ETS1: variants seen among roughly 807,000 people sequenced by gnomAD.
ETS1 encodes ETS proto-oncogene 1, transcription factor, also known as protein C-ets-1.
ETS1 carries 15 observed loss-of-function variants against 58.6 expected under a neutral mutation model. The ratio of observed to expected loss-of-function variants is 0.26; its 90% confidence interval spans 0.17 to 0.39. The LOEUF is 0.39. Among genes scored for constraint, ETS1 ranks in the 10% least tolerant of loss-of-function variants. The probability of loss-of-function intolerance (pLI) is 1.00; values close to 1 mark genes in which losing one functional copy is unlikely to be tolerated. For synonymous variants in ETS1, 214 were observed against 218.2 expected (o/e 0.98, Z 0.17); for missense variants, 417 against 610.5 (o/e 0.68, Z 3.34).
intron 8 of ETS1, among the ~76,000 whole-genome samples, chr11:128,471,864 C>T (rs1203459292): frequency 6.6e-6 from 1 of 152,188 alleles, no homozygotes; most frequent in Admixed American, 6.5e-5. Flanking sequence ...TCTCAACTTG[C>T]TCTCTGGAAT....
In ETS1 at chr11:128,463,488, C is replaced by T. The variant is rs201641356; in HGVS notation, c.1242+21G>A. 13 of 1,341,264 alleles carry T rather than the reference C, an allele frequency of 9.7e-6. No individual in the cohort carries two copies. Among genetic ancestry groups the T allele is most frequent in the African/African-American group, 8.6e-5 (6 of 69,616 alleles). 83.1% of individuals were successfully genotyped at this position (1,341,264 alleles called of 1,614,324 possible). ...TCTCATCCTTCCTCAACACAGTACT[C>T]GCAAGCCCCTCCTTCCTTACCTCAT... On this transcript the variant is annotated intron_variant, in intron 9 of 9. Coordinates refer to ENST00000392668, the MANE Select transcript of ETS1 (RefSeq NM_001143820.2). The surrounding 1 kb of genome is among the most constrained non-coding windows in gnomAD (Gnocchi z 4.1).
intron 3 of ETS1, among the ~76,000 whole-genome samples, chr11:128,531,388 T>C (rs1393388199): frequency 6.6e-6 from 1 of 152,242 alleles, no homozygotes; most frequent in Non-Finnish European, 1.5e-5. Flanking sequence ...ACTGCTATTA[T>C]TGATTTTAAA....
chr11:128,466,314 G>C (rs76634238), intron 8 of ETS1, among the ~76,000 whole-genome samples: 1 of 152,146 alleles, frequency 6.6e-6, no homozygotes, highest in Admixed American at 6.5e-5. Context: ...ACACCAAGCC[G>C]AGGAAAGGGA....
chr11:128,517,544 C>T (rs1863558564), intron 3 of ETS1, among the ~76,000 whole-genome samples: 1 of 152,198 alleles, frequency 6.6e-6, no homozygotes, highest in Non-Finnish European at 1.5e-5. Context: ...CAGAAATATC[C>T]CAACAACTTT....
intron 1 of ETS1, among the ~76,000 whole-genome samples, chr11:128,576,809 T>C (rs1031225254): frequency 3.9e-5 from 6 of 152,046 alleles, no homozygotes; most frequent in African/African-American, 7.2e-5. Context: ...CTTCTCATGT[T>C]ACCCCCTCTG....
rs1048903089 is a variant in ETS1, at chr11:128,521,764, C to T, written c.215-31188G>A. 6.9e-6 allele frequency: 4 copies of T among 582,924 alleles called. No individual in the cohort carries two copies. In the African/African-American group the frequency reaches 7.7e-5, roughly 11 times the overall value. The allele number at this position is 582,924 out of a possible 1,614,324, so 36.1% of individuals were successfully genotyped here. On this transcript the variant is annotated intron_variant, in intron 3 of 9. Coordinates refer to ENST00000392668, the MANE Select transcript of ETS1 (RefSeq NM_001143820.2). The stretch of plus-strand genomic sequence containing the variant: ...CCTCCTCCTCCTCCTCCTTCTCCTC[C>T]TCGTCCTCCAGATCCAGCTGCCAAC...
intron 2 of ETS1, among the ~76,000 whole-genome samples, chr11:128,567,107 G>A (rs76396114): frequency 0.014 from 2,093 of 152,334 alleles, 36 homozygotes; most frequent in African/African-American, 0.048. Flanking sequence ...TGCTCTGAGG[G>A]CCGTGGTTAA....
chr11:128,553,016 A>G (rs1191585366), intron 3 of ETS1, among the ~76,000 whole-genome samples: 4 of 152,246 alleles, frequency 2.6e-5, no homozygotes, highest in Admixed American at 2.0e-4. Flanking sequence ...GAGAGGAGGC[A>G]GGGTCAGTGG....
At chr11:128,566,674 T>G (rs1423335821) in intron 2 of ETS1, among the ~76,000 whole-genome samples, 3 of 151,658 alleles carry the variant, frequency 2.0e-5, no homozygotes, top group Non-Finnish European at 4.4e-5. Context: ...TCCCAGCTAC[T>G]CAGGAGGCTG....
chr11:128,514,352 C>T (rs1308127012), intron 3 of ETS1, among the ~76,000 whole-genome samples: 1 of 152,174 alleles, frequency 6.6e-6, no homozygotes, highest in Non-Finnish European at 1.5e-5. Flanking sequence ...TCAAAACGCT[C>T]TTTGGGTCCT....
At chr11:128,566,007 A>G (rs1864487309) in intron 2 of ETS1, among the ~76,000 whole-genome samples, 1 of 152,244 alleles carries the variant, frequency 6.6e-6, no homozygotes, top group Admixed American at 6.5e-5. Context: ...AGGGAACTGC[A>G]TCGCAAGGAG....
chr11:128,485,098 G>A (rs780381852), intron 6 of ETS1, 27 bp from the exon 7 acceptor site: 7 of 1,598,544 alleles, frequency 4.4e-6, no homozygotes, highest in Non-Finnish European at 6.0e-6. Context: ...TGCAAGTAAA[G>A]AGAGGAGAGA....
chr11:128,517,972 A>C (rs1304173728), intron 3 of ETS1, among the ~76,000 whole-genome samples: 1 of 152,222 alleles, frequency 6.6e-6, no homozygotes, highest in Non-Finnish European at 1.5e-5. Context: ...CTTTATAATA[A>C]CTGGACATGA....
chr11:128,556,922 A>G (rs781087451), intron 2 of ETS1, among the ~76,000 whole-genome samples: 2 of 152,244 alleles, frequency 1.3e-5, no homozygotes, highest in Admixed American at 1.3e-4. Flanking sequence ...ATCAGTGTGT[A>G]TAGGCTTTAA....
intron 7 of ETS1, among the ~76,000 whole-genome samples, chr11:128,484,542 G>A (rs1192335530): frequency 1.3e-5 from 2 of 152,104 alleles, no homozygotes; most frequent in Non-Finnish European, 2.9e-5. Context: ...TTCAACTAGA[G>A]TTATTGAGTA....
At chr11:128,557,402 T>G (rs1260738505) in intron 2 of ETS1, among the ~76,000 whole-genome samples, 2 of 152,190 alleles carry the variant, frequency 1.3e-5, no homozygotes, top group Non-Finnish European at 2.9e-5. Context: ...AAATAATGTA[T>G]GAGAAAATTG....
intron 5 of ETS1, among the ~76,000 whole-genome samples, chr11:128,489,001 G>C (rs1862718823): frequency 6.6e-6 from 1 of 152,148 alleles, no homozygotes; most frequent in Non-Finnish European, 1.5e-5. Flanking sequence ...CCAGGGCATG[G>C]GTTTGAGATA....
intron 3 of ETS1, among the ~76,000 whole-genome samples, chr11:128,545,165 C>T (rs1234471442): frequency 1.3e-5 from 2 of 152,102 alleles, no homozygotes; most frequent in African/African-American, 4.8e-5. Context: ...TCCTTGTGCC[C>T]TTAAATGACC....
Position 128,462,348 on chromosome 11 carries a change from C to A in ETS1, c.*13G>T, listed in dbSNP as rs745317942. 6.2e-7 allele frequency: 1 copy of A among 1,600,670 alleles called. No homozygotes were observed. The highest frequency in any genetic ancestry group is 8.6e-7 in the Non-Finnish European group (1 of 1,168,586). On this transcript the variant is annotated 3_prime_UTR_variant, in exon 10 of 10. Transcript: ENST00000392668. Reference sequence around the variant, plus strand: ...AAGGTCTCAGCAGGGTTTCCCCAGCCCCTTCAGTGCCATCACTCGTCGGCA... The same window carrying A: ...AAGGTCTCAGCAGGGTTTCCCCAGCACCTTCAGTGCCATCACTCGTCGGCA...
Sources: gnomAD v4.1 joint callset for allele counts (sites outside exome capture counted in the v4.1 genomes callset) on GRCh38, gnomAD v4.1.1 for gene constraint, Gnocchi (gnomAD v3.1) non-coding constraint, MANE v1.5 for transcripts, NCBI Gene and HGNC (gene_info 2026-07-23, HGNC 2026-07-21) for gene names.